CAB39: variants seen among roughly 807,000 people sequenced by gnomAD.
CAB39 encodes calcium binding protein 39.
Under a neutral mutation model 40.0 loss-of-function variants are expected in CAB39, and 8 were observed. The ratio of observed to expected loss-of-function variants is 0.20; its 90% CI spans 0.12 to 0.36. The LOEUF (loss-of-function observed/expected upper bound fraction) is 0.36, where lower values mean the gene tolerates loss of function less well. Ranked by LOEUF, CAB39 falls within the 10% of genes least tolerant of loss-of-function variation. The probability of loss-of-function intolerance (pLI) is 1.00; values close to 1 mark genes in which losing one functional copy is unlikely to be tolerated. For synonymous variants in CAB39, 156 were observed against 141.6 expected, an observed-to-expected ratio of 1.10 and a Z score of -0.72; for missense variants, 270 against 401.1, an observed-to-expected ratio of 0.67 and a Z score of 2.79.
chr2:230,754,593 A>G (rs1575922952), intron 1 of CAB39, among the ~76,000 whole-genome samples: 2 of 151,622 alleles, frequency 1.3e-5, no homozygotes, highest in East Asian at 3.9e-4. Flanking sequence ...ATCTCAGCTC[A>G]CTGCAACCTC....
At chr2:230,810,210 C>CT in intron 5 of CAB39, 53 bp from the exon 6 acceptor site, 1 of 824,328 alleles carries the variant, frequency 1.2e-6, no homozygotes, top group Non-Finnish European at 2.0e-6. Context: ...TTAGGATTCG[C>CT]TTTTTTGAAA....
At chr2:230,782,813 C>CTTTCTTTTTTTTTTTTTTTTTTT (rs1286339069) in intron 2 of CAB39, among the ~76,000 whole-genome samples, 1 of 81,766 alleles carries the variant, frequency 1.2e-5, no homozygotes, top group African/African-American at 6.3e-5. Context: ...TTCTTTCTTT[C>CTTTCTTTTTTTTTTTTTTTTTTT]TTTTTTTTTT....
chr2:230,812,217 C>G (rs1221077961), intron 6 of CAB39, among the ~76,000 whole-genome samples: 1 of 152,196 alleles, frequency 6.6e-6, no homozygotes, highest in Non-Finnish European at 1.5e-5. Context: ...AAACCGGTTT[C>G]TCTCCTTGGC....
intron 1 of CAB39, among the ~76,000 whole-genome samples, chr2:230,731,424 T>C (rs1420852743): frequency 2.0e-5 from 3 of 152,252 alleles, no homozygotes; most frequent in Non-Finnish European, 4.4e-5. Flanking sequence ...ATCTTCGGTG[T>C]CTTAAAAAAT....
At chr2:230,799,581 T>A (rs1310088972) in intron 5 of CAB39, among the ~76,000 whole-genome samples, 1 of 152,258 alleles carries the variant, frequency 6.6e-6, no homozygotes, top group Non-Finnish European at 1.5e-5. Flanking sequence ...TTCTATGCTG[T>A]TTACAATCTA....
intron 1 of CAB39, among the ~76,000 whole-genome samples, chr2:230,722,345 C>T (rs1447158599): frequency 2.6e-5 from 4 of 152,070 alleles, no homozygotes; most frequent in African/African-American, 7.2e-5. Flanking sequence ...TTTGTAGAGA[C>T]GGGGTCTCAC....
intron 2 of CAB39, among the ~76,000 whole-genome samples, chr2:230,763,961 A>T (rs2124923760): frequency 6.6e-6 from 1 of 152,188 alleles, no homozygotes; most frequent in Non-Finnish European, 1.5e-5. Context: ...GTCTCTACTA[A>T]AAATACAAAA....
intron 1 of CAB39, among the ~76,000 whole-genome samples, chr2:230,722,393 G>A (rs62193606): frequency 0.11 from 16,852 of 152,198 alleles, 1,169 homozygotes; most frequent in Middle Eastern, 0.16. Context: ...CTGGGCTCAA[G>A]CGATCCTCCT....
At chr2:230,754,643 CT>C (rs1559599116) in intron 1 of CAB39, among the ~76,000 whole-genome samples, 2 of 152,162 alleles carry the variant, frequency 1.3e-5, no homozygotes, top group Non-Finnish European at 2.9e-5. Context: ...CTCAGTCCCC[CT>C]AGTAGCTGGG....
At chr2:230,785,981 G>A (rs1479864091) in intron 2 of CAB39, among the ~76,000 whole-genome samples, 1 of 151,152 alleles carries the variant, frequency 6.6e-6, no homozygotes, top group Non-Finnish European at 1.5e-5. Context: ...TGGCTAACAC[G>A]GTGAAACCCC....
intron 1 of CAB39, among the ~76,000 whole-genome samples, chr2:230,726,238 C>T (rs1260620762): frequency 1.3e-5 from 2 of 152,122 alleles, no homozygotes; most frequent in African/African-American, 4.8e-5. Flanking sequence ...TCTCGGCTCA[C>T]TGCAACCTCT....
chr2:230,782,117 C>T (rs1017076393), intron 2 of CAB39, among the ~76,000 whole-genome samples: 10 of 152,150 alleles, frequency 6.6e-5, no homozygotes, highest in East Asian at 1.9e-4. Flanking sequence ...CCGCCCGGCT[C>T]GGCCTCTGAA....
chr2:230,761,229 C>G (rs999711785), intron 2 of CAB39, among the ~76,000 whole-genome samples: 1 of 152,132 alleles, frequency 6.6e-6, no homozygotes, highest in Non-Finnish European at 1.5e-5. Flanking sequence ...AGTTTGTGTA[C>G]ATTGAAGTAT....
At chr2:230,772,554 G>A (rs1392093780) in intron 2 of CAB39, among the ~76,000 whole-genome samples, 1 of 150,128 alleles carries the variant, frequency 6.7e-6, no homozygotes, top group East Asian at 2.0e-4. Flanking sequence ...GCACAGTCTC[G>A]GCTCACTGCA....
chr2:230,737,009 A>G (rs1038037129), intron 1 of CAB39, among the ~76,000 whole-genome samples: 3 of 152,178 alleles, frequency 2.0e-5, no homozygotes, highest in African/African-American at 7.2e-5. Context: ...CAACACTAAT[A>G]TCTGCCTTTC....
intron 2 of CAB39, among the ~76,000 whole-genome samples, chr2:230,774,721 C>T (rs1262472003): frequency 6.6e-6 from 1 of 152,104 alleles, no homozygotes; most frequent in Admixed American, 6.6e-5. Flanking sequence ...AAGGGAGTAG[C>T]CTCTTCATAG....
At chr2:230,776,155 A>T (rs1035030442) in intron 2 of CAB39, among the ~76,000 whole-genome samples, 7 of 152,218 alleles carry the variant, frequency 4.6e-5, no homozygotes, top group Non-Finnish European at 1.0e-4. Context: ...GACTAGAGAA[A>T]CAAGCTTTGG....
chr2:230,727,416 C>CTTTT lies in CAB39; in HGVS notation c.-44+14199_-44+14202dup, dbSNP rs1254776167. ...TGTGTGTGTATTTTTTTTTCTTTTT[C>CTTTT]TTTTTTTTTTTTTTTTGAGACAGGG... On this transcript the variant is annotated intron_variant, in intron 1 of 8. Transcript: ENST00000258418. 1.9e-3 allele frequency among the ~76,000 whole-genome samples: 163 copies of CTTTT among 84,748 alleles called. 1 individual carries two copies. The highest frequency in any genetic ancestry group is 8.1e-3 in the African/African-American group (151 of 18,628). The allele number at this position is 84,748 out of a possible 152,430, so 55.6% of individuals were successfully genotyped here.
At chr2:230,817,001 A>G (rs938190443) in intron 7 of CAB39, among the ~76,000 whole-genome samples, 2 of 152,228 alleles carry the variant, frequency 1.3e-5, no homozygotes, top group Non-Finnish European at 2.9e-5. Flanking sequence ...GCATGTTGAC[A>G]ACCTGAAGAA....
Sources: allele counts gnomAD v4.1 joint callset (sites outside exome capture counted in the v4.1 genomes callset), GRCh38; gene constraint gnomAD v4.1.1; transcripts MANE v1.5; gene names NCBI Gene and HGNC (gene_info 2026-07-23, HGNC 2026-07-21).